HEATR4: variants seen among roughly 807,000 people sequenced by gnomAD.
The protein encoded by HEATR4 is HEAT repeat-containing protein 4.
A neutral mutation model predicts 108.8 loss-of-function variants in HEATR4; 95 were observed. The observed-to-expected ratio is 0.87, with a 90% CI of 0.74 to 1.04. The LOEUF (loss-of-function observed/expected upper bound fraction) is 1.04. Ranked by LOEUF, HEATR4 falls within the 50% of genes least tolerant of loss-of-function variation. The pLI, the probability that HEATR4 is intolerant of heterozygous loss-of-function variation, is 0.00. For synonymous variants in HEATR4, 443 were observed against 459.4 expected, an observed-to-expected ratio of 0.96 and a Z score of 0.46; for missense variants, 1,152 against 1,253.8, an observed-to-expected ratio of 0.92 and a Z score of 1.23.
At chr14:73,569,838 C>G in the HEATR4 span, 3 of 1,604,054 alleles carry the variant, frequency 1.9e-6, no homozygotes, top group Admixed American at 5.1e-5. Context: ...GCGGCGCGAG[C>G]CGGTGCGCGT....
chr14:73,631,804 A>G, the HEATR4 span: 1 of 155,048 alleles, frequency 6.4e-6, no homozygotes, highest in Non-Finnish European at 1.4e-5. Context: ...AGACATGCAT[A>G]TCAGGAACCA....
the HEATR4 span, chr14:73,570,016 A>G: frequency 1.0e-5 from 14 of 1,353,850 alleles, no homozygotes; most frequent in African/African-American, 1.9e-4. Context: ...CAGGTTTCGA[A>G]TTCCTGGTCT....
At chr14:73,592,053 G>C in the HEATR4 span, 1 of 1,478,534 alleles carries the variant, frequency 6.8e-7, no homozygotes, top group Non-Finnish European at 9.0e-7. Context: ...GGAGCAGCGG[G>C]TTACGCTGCG....
intron 6 of HEATR4, among the ~76,000 whole-genome samples, chr14:73,513,758 T>A (rs76723893): frequency 0.012 from 739 of 59,982 alleles, 2 homozygotes; most frequent in African/African-American, 0.016. Flanking sequence ...AAAAAAAAAA[T>A]GGTCTCTGCC....
At chr14:73,585,370 C>T in the HEATR4 span, among the ~76,000 whole-genome samples, 3 of 152,074 alleles carry the variant, frequency 2.0e-5, no homozygotes, top group South Asian at 4.1e-4. Context: ...CCCCCAGGTG[C>T]CAAGTCCCCA....
Position 73,492,418 on chromosome 14 carries a change from A to G in HEATR4, c.2844+648T>C, listed in dbSNP as rs1410226930. On this transcript the variant is annotated intron_variant, in intron 17 of 17. Coordinates refer to ENST00000553558, the MANE Select transcript of HEATR4 (RefSeq NM_001220484.1). The surrounding 1 kb of genome is among the most constrained non-coding windows in gnomAD (Gnocchi z 4.9). Reference sequence around the variant, plus strand: ...TGGATTACATGGGGGCCCAGCATTCAGATTCTAAGGATCCGCGAAGAACCG... The same window carrying G: ...TGGATTACATGGGGGCCCAGCATTCGGATTCTAAGGATCCGCGAAGAACCG... The G allele has an allele frequency of 5.0e-6, 8 of 1,613,788 alleles. No individual in the cohort carries two copies. The highest frequency in any genetic ancestry group is 2.2e-5 in the East Asian group (1 of 44,862).
chr14:73,569,076 T>G, the HEATR4 span: 1 of 857,110 alleles, frequency 1.2e-6, no homozygotes, highest in South Asian at 1.8e-5. Context: ...ACCTAGGAAG[T>G]AGCTTTCCAA....
At chr14:73,619,950 C>T in the HEATR4 span, 4 of 1,247,186 alleles carry the variant, frequency 3.2e-6, no homozygotes, top group African/African-American at 4.7e-5. Context: ...ATCACTCTGT[C>T]ACATAGGCTG....
At chr14:73,489,229 G>A (rs924011277) in intron 17 of HEATR4, among the ~76,000 whole-genome samples, 5 of 151,942 alleles carry the variant, frequency 3.3e-5, no homozygotes, top group Admixed American at 6.6e-5. Flanking sequence ...ACAACCCCTA[G>A]CCCCCTATAT....
Position 73,523,102 on chromosome 14 carries a change from C to A in HEATR4, c.51G>T (p.Gln17His). Reference sequence around the variant, plus strand: ...CCCATCCCAGTCGTGGGGGCAGTGACTGATAGAAGCAATGGGGGAGAAAGG... The same window carrying A: ...CCCATCCCAGTCGTGGGGGCAGTGAATGATAGAAGCAATGGGGGAGAAAGG... The part of the protein sequence containing the change: ...GKTFLPHCFY[Q>H]SLPPRLGWGM... Residue 17 changes from glutamine to histidine, a missense_variant, in exon 3 of 18, where the codon CAG becomes CAT. Coordinates refer to ENST00000553558, the MANE Select transcript of HEATR4 (RefSeq NM_001220484.1). The A allele has an allele frequency of 6.2e-7, 1 of 1,610,202 alleles. No homozygotes were observed. Among genetic ancestry groups the A allele is most frequent in the Non-Finnish European group, 8.5e-7 (1 of 1,179,990 alleles).
Position 73,492,029 on chromosome 14 carries a change from GC to G in HEATR4, c.2844+1036del. On this transcript the variant is annotated intron_variant, in intron 17 of 17. Coordinates refer to ENST00000553558, the MANE Select transcript of HEATR4 (RefSeq NM_001220484.1). The surrounding 1 kb of genome is among the most constrained non-coding windows in gnomAD (Gnocchi z 4.9). ...CACGCCCCCTAACTCGCAGGGCTTT[GC>G]CCCCCACTACGACGACATCGAGGCC... The G allele has an allele frequency of 6.2e-7, 1 of 1,613,944 alleles. No homozygotes were observed. Among genetic ancestry groups the G allele is most frequent in the Admixed American group, 1.7e-5 (1 of 60,000 alleles).
At chr14:73,623,165 C>G in the HEATR4 span, among the ~76,000 whole-genome samples, 3 of 151,056 alleles carry the variant, frequency 2.0e-5, no homozygotes, top group African/African-American at 7.3e-5. Flanking sequence ...CCCACCTCAG[C>G]CTCCCAAAGT....
intron 11 of HEATR4, among the ~76,000 whole-genome samples, chr14:73,502,674 A>G (rs1886547132): frequency 6.6e-6 from 1 of 152,044 alleles, no homozygotes; most frequent in Non-Finnish European, 1.5e-5. Flanking sequence ...CAGCCTCCCG[A>G]GTAGCTGGGA....
chr14:73,491,980 C>T (rs1184057337), intron 17 of HEATR4: 19 of 1,613,880 alleles, frequency 1.2e-5, no homozygotes, highest in Non-Finnish European at 1.5e-5. Context: ...AGTTTGGAAG[C>T]ATGGCAGGCT....
rs768315194 is a variant in HEATR4, at chr14:73,506,527, T to C, written c.1926A>G (p.Gln642=). ...GGCAGGCCACAATCCGGTTCTTCCA[T>C]TGACAGCTGTTCAGCTCCACAGCAA... ...TMLAVELNSC[Q]WKNRIVACQA... The change falls in exon 10 of 18, where the codon CAA becomes CAG. Residue 642 remains glutamine (Q), a synonymous_variant. Transcript: ENST00000553558. 2.5e-6 allele frequency: 4 copies of C among 1,613,738 alleles called. No individual in the cohort carries two copies. The highest frequency in any genetic ancestry group is 1.1e-5 in the South Asian group (1 of 91,082).
chr14:73,566,537 G>T, the HEATR4 span, among the ~76,000 whole-genome samples: 277 of 152,302 alleles, frequency 1.8e-3, 5 homozygotes, highest in Non-Finnish European at 2.8e-3. Context: ...GGCCGGCACT[G>T]CTGGGGGACC....
intron 16 of HEATR4, among the ~76,000 whole-genome samples, chr14:73,493,913 A>C (rs994178376): frequency 3.9e-5 from 6 of 152,216 alleles, no homozygotes; most frequent in Admixed American, 2.6e-4. Flanking sequence ...AATTTATGCT[A>C]TTTAATTATG....
At position 73,478,821 on chromosome 14, in the gene HEATR4, T is replaced by C. The variant is rs376766187; in HGVS notation, c.2866A>G (p.Asn956Asp). ...GGGACTGAACTTTGTAACCAGGGAT[T>C]TGGTGCGCGGGGCTTCACAGGCTGC... ...VIKPVKPRAP[N>D]PWLQSSVPGL... Residue 956 changes from asparagine to aspartate, a missense_variant, in exon 18 of 18, where the codon AAT (asparagine) becomes GAT (aspartate). Coordinates refer to ENST00000553558, the MANE Select transcript of HEATR4 (RefSeq NM_001220484.1). The C allele has an allele frequency of 1.2e-5, 19 of 1,609,448 alleles. No homozygotes were observed. The African/African-American group carries it at 2.4e-4, about 20-fold the overall frequency.
chr14:73,569,042 G>C, the HEATR4 span: 1 of 673,034 alleles, frequency 1.5e-6, no homozygotes, highest in Admixed American at 3.0e-5. Flanking sequence ...CCATTCCGCA[G>C]GCCAGCAAGC....
Sources: allele counts gnomAD v4.1 joint callset (sites outside exome capture counted in the v4.1 genomes callset), GRCh38; gene constraint gnomAD v4.1.1; non-coding constraint Gnocchi (gnomAD v3.1); transcripts MANE v1.5; gene names NCBI Gene and HGNC (gene_info 2026-07-23, HGNC 2026-07-21).